Variants in MYT1L observed in about 807,000 individuals in gnomAD.
MYT1L encodes myelin transcription factor 1 like.
A neutral mutation model predicts 126.7 loss-of-function variants in MYT1L; 12 were observed. That is an observed-to-expected ratio of 0.09 (90% CI 0.06 to 0.15). The LOEUF is 0.15. Ranked by LOEUF, MYT1L falls within the 10% of genes least tolerant of loss-of-function variation. MYT1L has a pLI of 1.00. For missense variants in MYT1L, 979 were observed against 1,585.2 expected, an observed-to-expected ratio of 0.62 and a Z score of 6.49; for synonymous variants, 541 against 604.2, an observed-to-expected ratio of 0.90 and a Z score of 1.53.
intron 5 of MYT1L, among the ~76,000 whole-genome samples, chr2:1,981,068 G>C (rs2149498682): frequency 6.6e-6 from 1 of 152,236 alleles, no homozygotes; most frequent in East Asian, 1.9e-4. Context: ...AAAGAACAGG[G>C]TAGATCTGCC....
At chr2:1,842,547 G>A (rs1194254066) in intron 19 of MYT1L, 1 of 152,240 alleles carries the variant, frequency 6.6e-6, no homozygotes, top group Non-Finnish European at 1.5e-5. Context: ...CCTCTTAAAG[G>A]AGGGAATCTG....
In MYT1L at chr2:2,121,142, G is replaced by A. The variant is rs141923493; in HGVS notation, c.-304+51730C>T. Among the ~76,000 whole-genome samples, 239 of 152,274 alleles carry A rather than the reference G, an allele frequency of 1.6e-3. 1 individual carries two copies. The highest frequency in any genetic ancestry group is 5.4e-3 in the African/African-American group (223 of 41,560). ...ACATGATTCCATGTTAAAAATAATTGTGCTTGTAAGTCTTTTAAACTCGCT... is the reference window on the plus strand; with the variant it reads ...ACATGATTCCATGTTAAAAATAATTATGCTTGTAAGTCTTTTAAACTCGCT... On this transcript the variant is annotated intron_variant, in intron 3 of 24. Transcript: ENST00000647738.
intron 4 of MYT1L, among the ~76,000 whole-genome samples, chr2:2,001,154 T>C (rs2062336782): frequency 6.6e-6 from 1 of 152,122 alleles, no homozygotes; most frequent in African/African-American, 2.4e-5. Flanking sequence ...CCCCTCTTTA[T>C]TTCCTTTATC....
At chr2:2,313,300 G>A (rs958287954) in intron 1 of MYT1L, among the ~76,000 whole-genome samples, 5 of 152,048 alleles carry the variant, frequency 3.3e-5, no homozygotes, top group East Asian at 1.9e-4. Flanking sequence ...TGCAATCAGC[G>A]GTTCACTGGC....
At chr2:1,861,328 T>C (rs185943543) in intron 18 of MYT1L, among the ~76,000 whole-genome samples, 1 of 152,280 alleles carries the variant, frequency 6.6e-6, no homozygotes. Context: ...CTGGTAGACT[T>C]CAGCTTGCCT....
At chr2:2,255,104 G>A (rs139460009) in intron 2 of MYT1L, among the ~76,000 whole-genome samples, 164 of 152,290 alleles carry the variant, frequency 1.1e-3, no homozygotes, top group African/African-American at 3.8e-3. Context: ...TCTATGGAAA[G>A]AGATAATTTT....
At chr2:1,952,769 C>T (rs868603975) in intron 8 of MYT1L, among the ~76,000 whole-genome samples, 137 of 2,860 alleles carry the variant, frequency 0.048, no homozygotes, top group Non-Finnish European at 0.072. Context: ...CTCCTTCCCT[C>T]CCTTCCCTCC....
Position 1,859,829 on chromosome 2 carries a change from C to G in MYT1L, c.2712-8126G>C, listed in dbSNP as rs572820751. ...GGAGGACGCACGCATGCTGCCCCAG[C>G]GTTGGGGACAGCGCGCCGGATGAGA... On this transcript the variant is annotated intron_variant, in intron 18 of 24. Coordinates refer to ENST00000647738, the MANE Select transcript of MYT1L (RefSeq NM_001303052.2). 9.8e-5 allele frequency among the ~76,000 whole-genome samples: 15 copies of G among 152,300 alleles called. No individual in the cohort carries two copies. In the East Asian group the frequency reaches 2.9e-3, roughly 30 times the overall value.
chr2:1,893,823 C>T (rs1422134854), intron 14 of MYT1L, among the ~76,000 whole-genome samples: 1 of 152,144 alleles, frequency 6.6e-6, no homozygotes, highest in Non-Finnish European at 1.5e-5. Context: ...AGAAGGAGTC[C>T]TCATTGACAA....
chr2:2,085,279 C>T (rs776000283), intron 3 of MYT1L, among the ~76,000 whole-genome samples: 13 of 152,148 alleles, frequency 8.5e-5, no homozygotes, highest in Non-Finnish European at 1.6e-4. Flanking sequence ...GACTCCCCTG[C>T]CCCAAATCCT....
chr2:2,163,916 C>A (rs2088520599), intron 3 of MYT1L, among the ~76,000 whole-genome samples: 1 of 152,110 alleles, frequency 6.6e-6, no homozygotes, highest in South Asian at 2.1e-4. Flanking sequence ...AAAGTTCTTG[C>A]TTCTCTTTTT....
In MYT1L at chr2:1,928,305, T is replaced by A. The variant is rs186447334; in HGVS notation, c.506-5042A>T. Among the ~76,000 whole-genome samples, 80 of 152,322 alleles carry A rather than the reference T, an allele frequency of 5.3e-4. 1 individual carries two copies. Among genetic ancestry groups the A allele is most frequent in the African/African-American group, 1.9e-3 (78 of 41,572 alleles). The stretch of plus-strand genomic sequence containing the variant: ...AATGAAGTTGGTGACTACAGAATAG[T>A]CTGACTCACCTGAGTCTGGTCCCCT... On this transcript the variant is annotated intron_variant, in intron 9 of 24. Transcript: ENST00000647738.
intron 2 of MYT1L, among the ~76,000 whole-genome samples, chr2:2,273,798 G>T (rs913687577): frequency 6.6e-5 from 10 of 152,190 alleles, no homozygotes; most frequent in African/African-American, 1.9e-4. Context: ...GTCAATTGCT[G>T]TTTACATGTC....
At chr2:2,239,443 T>C (rs942725280) in intron 2 of MYT1L, among the ~76,000 whole-genome samples, 6 of 152,192 alleles carry the variant, frequency 3.9e-5, no homozygotes, top group African/African-American at 1.4e-4. Context: ...GCAGGAAAAT[T>C]AGTGAAACAA....
chr2:1,920,620 C>G (rs1007962406), intron 10 of MYT1L, among the ~76,000 whole-genome samples: 3 of 152,152 alleles, frequency 2.0e-5, no homozygotes, highest in Non-Finnish European at 4.4e-5. Flanking sequence ...TATATTTGTC[C>G]AACTGAGCAA....
At chr2:1,985,851 A>G (rs899358841) in intron 5 of MYT1L, among the ~76,000 whole-genome samples, 2 of 152,214 alleles carry the variant, frequency 1.3e-5, no homozygotes, top group African/African-American at 4.8e-5. Context: ...GATAGCACTA[A>G]TTCGAGCACG....
intron 2 of MYT1L, among the ~76,000 whole-genome samples, chr2:2,186,775 T>C (rs2092242485): frequency 6.6e-6 from 1 of 152,252 alleles, no homozygotes; most frequent in African/African-American, 2.4e-5. Context: ...AATAAACTCT[T>C]AAATTCCAAT....
chr2:1,876,488 C>T (rs1046498089), intron 18 of MYT1L, among the ~76,000 whole-genome samples: 12 of 152,116 alleles, frequency 7.9e-5, no homozygotes, highest in African/African-American at 2.9e-4. Context: ...ACCCTGACCC[C>T]CCCGTCCATC....
chr2:2,227,800 T>A (rs1270733580), intron 2 of MYT1L, among the ~76,000 whole-genome samples: 1 of 152,222 alleles, frequency 6.6e-6, no homozygotes, highest in East Asian at 1.9e-4. Context: ...AAGGCCTTTT[T>A]CACTGAATTA....
Sources: gnomAD v4.1 joint callset for allele counts (sites outside exome capture counted in the v4.1 genomes callset) on GRCh38, gnomAD v4.1.1 for gene constraint, MANE v1.5 for transcripts, NCBI Gene and HGNC (gene_info 2026-07-23, HGNC 2026-07-21) for gene names.